The following AEBP2 variants were observed in gnomAD, a reference collection of about 807,000 sequenced individuals.
The protein encoded by AEBP2 is zinc finger protein AEBP2.
AEBP2 carries 10 observed loss-of-function variants against 50.8 expected under a neutral mutation model. The ratio of observed to expected loss-of-function variants is 0.20; its 90% CI spans 0.12 to 0.33. The LOEUF is 0.33. AEBP2 is among the 10% of genes least tolerant of loss of function. AEBP2 has a pLI of 1.00. For synonymous variants in AEBP2, 296 were observed against 261.3 expected, an observed-to-expected ratio of 1.13 and a Z score of -1.28; for missense variants, 570 against 688.0, an observed-to-expected ratio of 0.83 and a Z score of 1.92.
At chr12:19,414,183 C>T (rs1453818528) in intron 1 of AEBP2, among the ~76,000 whole-genome samples, 5 of 152,092 alleles carry the variant, frequency 3.3e-5, no homozygotes, top group Non-Finnish European at 5.9e-5. Flanking sequence ...TGAGCCATTG[C>T]GCCCGGCCAA....
intron 5 of AEBP2, chr12:19,509,127 G>A (rs554717875): frequency 3.8e-6 from 2 of 522,038 alleles, no homozygotes; most frequent in African/African-American, 1.9e-5. Context: ...GAACATGTCA[G>A]CAGGGCCTGT....
chr12:19,415,296 G>C (rs1239959653), intron 1 of AEBP2, among the ~76,000 whole-genome samples: 2 of 112,598 alleles, frequency 1.8e-5, no homozygotes, highest in Non-Finnish European at 3.3e-5. Flanking sequence ...CTGGATGATA[G>C]ACGGAATGAG....
At chr12:19,468,502 T>C (rs936549268) in intron 2 of AEBP2, among the ~76,000 whole-genome samples, 15 of 152,222 alleles carry the variant, frequency 9.9e-5, no homozygotes, top group Non-Finnish European at 1.8e-4. Flanking sequence ...CAGATTAACA[T>C]TGCACTTTTT....
intron 4 of AEBP2, among the ~76,000 whole-genome samples, chr12:19,495,731 TG>T (rs999878357): frequency 3.3e-5 from 5 of 151,792 alleles, no homozygotes; most frequent in Non-Finnish European, 2.9e-5. Context: ...GAAGAGATGG[TG>T]GGGGTCTCTC....
rs1948296690 is a variant in AEBP2, at chr12:19,457,755, A to G, written c.672-4755A>G. The G allele has an allele frequency of 5.5e-6, 3 of 544,058 alleles. No homozygotes were observed. The African/African-American group carries it at 5.9e-5, about 11-fold the overall frequency. The allele number at this position is 544,058 out of a possible 1,614,324, so 33.7% of individuals were successfully genotyped here. A position where few individuals can be genotyped will look rare whatever the true frequency, so the allele number is the denominator to read the frequency against. On this transcript the variant is annotated intron_variant, in intron 1 of 7. Coordinates refer to ENST00000266508, the MANE Select transcript of AEBP2 (RefSeq NM_153207.5). Reference sequence around the variant, plus strand: ...AGATCTTTTCGGTTCCTACTAGTCAAAATGTCACAGCAGCATCAAGCGGGC... The same window carrying G: ...AGATCTTTTCGGTTCCTACTAGTCAGAATGTCACAGCAGCATCAAGCGGGC...
intron 3 of AEBP2, among the ~76,000 whole-genome samples, chr12:19,480,532 C>G (rs545795396): frequency 6.6e-6 from 1 of 152,338 alleles, no homozygotes; most frequent in East Asian, 1.9e-4. Context: ...GACTTGATCT[C>G]TCCTTCATTT....
upstream of AEBP2, among the ~76,000 whole-genome samples, chr12:19,438,571 G>C (rs1947885889): frequency 6.6e-6 from 1 of 152,012 alleles, no homozygotes; most frequent in African/African-American, 2.4e-5. Flanking sequence ...TTTGTGTTTA[G>C]TACTTACAAA....
intron 1 of AEBP2, among the ~76,000 whole-genome samples, chr12:19,447,163 G>A (rs1948084962): frequency 6.6e-6 from 1 of 152,234 alleles, no homozygotes; most frequent in Admixed American, 6.5e-5. Flanking sequence ...AATGGTGCAA[G>A]TGAGGCCTTT....
chr12:19,464,687 G>C (rs1257919714), intron 2 of AEBP2, among the ~76,000 whole-genome samples: 1 of 151,484 alleles, frequency 6.6e-6, no homozygotes, highest in Non-Finnish European at 1.5e-5. Flanking sequence ...CCCGGGTTCA[G>C]GTGATTCTCC....
intron 1 of AEBP2, among the ~76,000 whole-genome samples, chr12:19,428,184 C>T (rs765620819): frequency 7.9e-5 from 12 of 151,936 alleles, no homozygotes; most frequent in Non-Finnish European, 1.6e-4. Flanking sequence ...AGCAATGAGC[C>T]GAGATTGCAC....
intron 3 of AEBP2, among the ~76,000 whole-genome samples, chr12:19,490,605 C>G (rs1463816019): frequency 1.3e-5 from 2 of 152,028 alleles, no homozygotes; most frequent in Non-Finnish European, 2.9e-5. Context: ...GTGGCATGAT[C>G]TCAGCTCACT....
intron 1 of AEBP2, among the ~76,000 whole-genome samples, chr12:19,450,941 C>A (rs1013694478): frequency 9.3e-5 from 14 of 150,932 alleles, no homozygotes; most frequent in African/African-American, 3.4e-4. Context: ...TTTCTTAAAT[C>A]AGTAATTCAT....
chr12:19,411,487 G>A (rs560422374), intron 1 of AEBP2, among the ~76,000 whole-genome samples: 34 of 152,304 alleles, frequency 2.2e-4, no homozygotes, highest in Admixed American at 1.5e-3. Flanking sequence ...TGAGCCAGAG[G>A]AGCCCCAGGA....
At chr12:19,405,664 C>T (rs2095735800) in intron 1 of AEBP2, among the ~76,000 whole-genome samples, 1 of 152,126 alleles carries the variant, frequency 6.6e-6, no homozygotes, top group South Asian at 2.1e-4. Context: ...CCTCTATTTT[C>T]ATGCTTGTGG....
rs1428109728 is a variant in AEBP2, at chr12:19,493,849, C to T, written c.1037C>T (p.Ala346Val). 6.2e-7 allele frequency: 1 copy of T among 1,613,902 alleles called. No individual in the cohort carries two copies. The change falls in exon 4 of 8, where the codon GCT becomes GTT. Residue 346 changes from alanine to valine, a missense_variant. By Grantham distance (64) the Ala-to-Val change is moderately conservative (BLOSUM62 0). Transcript: ENST00000266508. ...AGCTTTGCTTCTCAGGGAGGGCTAG[C>T]TCGTCATGTACCCACACACTTCAGT... ...NASFASQGGL[A>V]RHVPTHFSQQ...
chr12:19,466,196 G>T (rs1485251913), intron 2 of AEBP2, among the ~76,000 whole-genome samples: 1 of 152,016 alleles, frequency 6.6e-6, no homozygotes, highest in East Asian at 1.9e-4. Flanking sequence ...AACATTTTCG[G>T]CTGGTCACAG....
intron 3 of AEBP2, among the ~76,000 whole-genome samples, chr12:19,493,387 A>G (rs1321483165): frequency 6.6e-6 from 1 of 152,256 alleles, no homozygotes; most frequent in Non-Finnish European, 1.5e-5. Context: ...GGCAATAACA[A>G]TACGCTGTCT....
chr12:19,496,599 C>G (rs912102724), intron 4 of AEBP2, among the ~76,000 whole-genome samples: 2 of 151,650 alleles, frequency 1.3e-5, no homozygotes, highest in Non-Finnish European at 2.9e-5. Flanking sequence ...AAAAATATAC[C>G]TTATAAATAG....
intron 1 of AEBP2, chr12:19,456,607 G>C: frequency 6.5e-7 from 1 of 1,528,012 alleles, no homozygotes; most frequent in Non-Finnish European, 9.0e-7. Flanking sequence ...ATAATCACCT[G>C]AGCAGTGAAG....
Sources: allele counts gnomAD v4.1 joint callset (sites outside exome capture counted in the v4.1 genomes callset), GRCh38; gene constraint gnomAD v4.1.1; transcripts MANE v1.5; gene names NCBI Gene and HGNC (gene_info 2026-07-23, HGNC 2026-07-21).